GAS7: variants seen among roughly 807,000 people sequenced by gnomAD.
GAS7 encodes growth arrest-specific protein 7.
Under a neutral mutation model 71.1 loss-of-function variants are expected in GAS7, and 28 were observed. The ratio of observed to expected loss-of-function variants is 0.39; its 90% CI spans 0.29 to 0.54. The LOEUF (loss-of-function observed/expected upper bound fraction) is 0.54. Ranked by LOEUF, GAS7 falls within the 20% of genes least tolerant of loss-of-function variation. The pLI is 0.62. For synonymous variants in GAS7, 258 were observed against 245.8 expected, an observed-to-expected ratio of 1.05 and a Z score of -0.46; for missense variants, 436 against 627.8, an observed-to-expected ratio of 0.69 and a Z score of 3.27.
intron 5 of GAS7, among the ~76,000 whole-genome samples, chr17:9,958,479 G>A (rs1263122435): frequency 6.6e-6 from 1 of 152,202 alleles, no homozygotes; most frequent in East Asian, 1.9e-4. Flanking sequence ...TGGAGCCTAA[G>A]AGAGCAATAC....
intron 1 of GAS7, among the ~76,000 whole-genome samples, chr17:10,182,121 G>A (rs2074421221): frequency 6.6e-6 from 1 of 152,146 alleles, no homozygotes; most frequent in African/African-American, 2.4e-5. Context: ...CAGTCAAGCA[G>A]CCCATACTGC....
rs1330697067 is a variant in GAS7 at position 10,019,799 on chromosome 17, G to A, written c.282C>T (p.Tyr94=). The A allele has an allele frequency of 6.2e-7, 1 of 1,614,020 alleles. No individual in the cohort carries two copies. The highest frequency in any genetic ancestry group is 1.1e-5 in the South Asian group (1 of 91,068). The change falls in exon 2 of 14, where the codon TAC becomes TAT. Residue 94 remains tyrosine (Y), a synonymous_variant. Coordinates refer to ENST00000432992, the MANE Select transcript of GAS7 (RefSeq NM_201433.2). ...QSYLSPQGRR[Y]YVNTTTNETT... is the part of the protein sequence containing the mutation. ...CACCATTGGTGGTCGTGTTGACATA[G>A]TACCGCCGGCCCTGAGGCGACAGGT...
chr17:10,174,308 T>C (rs1005553998), intron 1 of GAS7, among the ~76,000 whole-genome samples: 8 of 152,178 alleles, frequency 5.3e-5, no homozygotes, highest in Non-Finnish European at 8.8e-5. Context: ...ATTAGAGGGA[T>C]ATAGGGGATG....
At chr17:10,148,387 G>C (rs907458724) in intron 1 of GAS7, among the ~76,000 whole-genome samples, 1 of 151,552 alleles carries the variant, frequency 6.6e-6, no homozygotes, top group Non-Finnish European at 1.5e-5. Context: ...ATGGTGGGTG[G>C]ATCACAAGGT....
At chr17:9,940,689 T>C (rs2068572052) in intron 7 of GAS7, among the ~76,000 whole-genome samples, 2 of 152,162 alleles carry the variant, frequency 1.3e-5, no homozygotes, top group Non-Finnish European at 2.9e-5. Flanking sequence ...ATGCCTCTGA[T>C]TGTCAAGCCT....
In GAS7 at chr17:10,179,844, C is replaced by G. The variant is rs75196804; in HGVS notation, c.183+18364G>C. Among the ~76,000 whole-genome samples, 1,273 of 152,214 alleles carry G rather than the reference C, an allele frequency of 8.4e-3. 15 individuals are homozygous for G. Among genetic ancestry groups the G allele is most frequent in the African/African-American group, 0.029 (1,213 of 41,528 alleles). On this transcript the variant is annotated intron_variant, in intron 1 of 13. Coordinates refer to ENST00000432992, the MANE Select transcript of GAS7 (RefSeq NM_201433.2). ...GGTTGGGAAGGACGCTCCGAGACAG[C>G]AGGTTTCTTTTATTAATAAAGAAGG...
chr17:10,011,677 G>A (rs770266389), intron 2 of GAS7, among the ~76,000 whole-genome samples: 4 of 152,120 alleles, frequency 2.6e-5, no homozygotes, highest in Non-Finnish European at 4.4e-5. Flanking sequence ...GGGAGAAAGG[G>A]TTAAGATACC....
At chr17:10,046,711 G>C (rs1451189322) in intron 1 of GAS7, among the ~76,000 whole-genome samples, 25 of 146,198 alleles carry the variant, frequency 1.7e-4, no homozygotes, top group African/African-American at 6.0e-4. Context: ...ACTCCAGCCT[G>C]GGTGACAGAG....
intron 1 of GAS7, among the ~76,000 whole-genome samples, chr17:10,182,140 C>T (rs559951128): frequency 3.3e-4 from 50 of 152,264 alleles, no homozygotes; most frequent in African/African-American, 1.2e-3. Flanking sequence ...GCTACCTAAG[C>T]GGTAGCCATC....
chr17:10,004,247 A>T (rs2071381748), intron 2 of GAS7, among the ~76,000 whole-genome samples: 1 of 152,192 alleles, frequency 6.6e-6, no homozygotes, highest in Non-Finnish European at 1.5e-5. Flanking sequence ...AAGCCATCCA[A>T]GTGGTTAATT....
rs141703674 is a variant in GAS7 at position 10,116,725 on chromosome 17, C to T, written c.183+81483G>A. Among the ~76,000 whole-genome samples, 128 of 152,240 alleles carry T rather than the reference C, an allele frequency of 8.4e-4. 1 individual carries two copies. The highest frequency in any genetic ancestry group is 2.9e-3 in the African/African-American group (122 of 41,540). On this transcript the variant is annotated intron_variant, in intron 1 of 13. Coordinates refer to ENST00000432992, the MANE Select transcript of GAS7 (RefSeq NM_201433.2). ...TTATTCGACACAGGTTTCTTGAACACCTCTTATACACCAGACGCAGGTTTC... is the reference window on the plus strand; with the variant it reads ...TTATTCGACACAGGTTTCTTGAACATCTCTTATACACCAGACGCAGGTTTC...
intron 1 of GAS7, among the ~76,000 whole-genome samples, chr17:10,122,078 A>C (rs1198743370): frequency 6.6e-6 from 1 of 152,176 alleles, no homozygotes; most frequent in African/African-American, 2.4e-5. Flanking sequence ...AAATAGCATC[A>C]GCACCATCAT....
At chr17:10,046,527 G>A (rs2072959897) in intron 1 of GAS7, among the ~76,000 whole-genome samples, 1 of 151,796 alleles carries the variant, frequency 6.6e-6, no homozygotes, top group Admixed American at 6.6e-5. Context: ...CATGAGGTCA[G>A]GAGTTCCAGA....
intron 2 of GAS7, among the ~76,000 whole-genome samples, chr17:9,993,853 T>C (rs1314136815): frequency 1.3e-5 from 2 of 152,082 alleles, no homozygotes; most frequent in African/African-American, 4.8e-5. Flanking sequence ...AAAATCAATG[T>C]ACAAAAATCA....
In GAS7 at chr17:10,051,686, T is replaced by G. The variant is rs182336683; in HGVS notation, c.184-31789A>C. Among the ~76,000 whole-genome samples the G allele has an allele frequency of 9.8e-4, 149 of 152,246 alleles. 1 individual carries two copies. Among genetic ancestry groups the G allele is most frequent in the Admixed American group, 1.8e-3 (27 of 15,302 alleles). On this transcript the variant is annotated intron_variant, in intron 1 of 13. Transcript: ENST00000432992. ...ACAAACATGGTCCTTGACCAAGAAC[T>G]GCAAACAAACCAGTGCAAGACCCTG... is the stretch of plus-strand genomic sequence containing the variant.
rs376835604 is a variant in GAS7, at chr17:10,085,224, C to T, written c.184-65327G>A. Among the ~76,000 whole-genome samples the T allele has an allele frequency of 1.9e-3, 289 of 152,256 alleles. 3 individuals are homozygous for T. Among genetic ancestry groups the T allele is most frequent in the African/African-American group, 6.9e-3 (286 of 41,536 alleles). On this transcript the variant is annotated intron_variant, in intron 1 of 13. Coordinates refer to ENST00000432992, the MANE Select transcript of GAS7 (RefSeq NM_201433.2). Reference sequence around the variant, plus strand: ...GTTTCTAATATTTATAATCAAAGAACCCTGAGTGACACATCACCCAACCAG... The same window carrying T: ...GTTTCTAATATTTATAATCAAAGAATCCTGAGTGACACATCACCCAACCAG...
At chr17:10,127,852 A>G (rs1160347607) in intron 1 of GAS7, among the ~76,000 whole-genome samples, 3 of 152,210 alleles carry the variant, frequency 2.0e-5, no homozygotes, top group Non-Finnish European at 4.4e-5. Flanking sequence ...AATGCTGATT[A>G]AACACCAGAA....
At position 9,917,982 on chromosome 17, in the gene GAS7, C is replaced by T. The variant is rs368420647; in HGVS notation, c.1317+19G>A. 800 of 1,590,118 alleles carry T rather than the reference C, an allele frequency of 5.0e-4. No homozygotes were observed. Among genetic ancestry groups the T allele is most frequent in the Non-Finnish European group, 6.0e-4 (693 of 1,159,942 alleles). The stretch of plus-strand genomic sequence containing the variant: ...CAGGCCCCGTGTCGCCCGGGAGCCC[C>T]GCTGGGCTGGAAACTCACGCTTTGG... On this transcript the variant is annotated intron_variant, in intron 13 of 13. Coordinates refer to ENST00000432992, the MANE Select transcript of GAS7 (RefSeq NM_201433.2).
intron 1 of GAS7, among the ~76,000 whole-genome samples, chr17:10,045,653 C>T (rs941606692): frequency 9.9e-5 from 15 of 152,086 alleles, no homozygotes; most frequent in Non-Finnish European, 7.4e-5. Flanking sequence ...GCTGAGATCG[C>T]GCCATTGCAC....
Sources: gnomAD v4.1 joint callset for allele counts (sites outside exome capture counted in the v4.1 genomes callset) on GRCh38, gnomAD v4.1.1 for gene constraint, MANE v1.5 for transcripts, NCBI Gene and HGNC (gene_info 2026-07-23, HGNC 2026-07-21) for gene names.